Variants in DYNC2H1 observed in about 807,000 individuals in gnomAD.
The protein encoded by DYNC2H1 is dynein cytoplasmic 2 heavy chain 1.
Under a neutral mutation model 570.0 loss-of-function variants are expected in DYNC2H1, and 410 were observed. The observed-to-expected ratio is 0.72, with a 90% confidence interval of 0.66 to 0.78. The LOEUF (loss-of-function observed/expected upper bound fraction) is 0.78. Ranked by LOEUF, DYNC2H1 falls within the 30% of genes least tolerant of loss-of-function variation. The pLI is 0.00. For missense variants in DYNC2H1, 4,865 were observed against 5,046.4 expected (o/e 0.96, Z 1.09); for synonymous variants, 1,688 against 1,677.6 (o/e 1.01, Z -0.15).
rs1025589130 is a variant in DYNC2H1 at position 103,423,830 on chromosome 11, T to G, written c.12367-12113T>G. On this transcript the variant is annotated intron_variant, in intron 84 of 88. Transcript: ENST00000375735. ...AAGCACATAAAAATGTAGGTGTCAT[T>G]AGGAATATCAGAACTGCAATGAGAA... 2.0e-5 allele frequency among the ~76,000 whole-genome samples: 3 copies of G among 152,178 alleles called. No individual in the cohort carries two copies. The South Asian group carries it at 6.2e-4, about 32-fold the overall frequency.
intron 75 of DYNC2H1, among the ~76,000 whole-genome samples, chr11:103,293,792 A>G (rs910459788): frequency 6.6e-5 from 10 of 152,054 alleles, no homozygotes; most frequent in African/African-American, 2.2e-4. Context: ...TTTCTCTGAT[A>G]TAGGCCAGGC....
chr11:103,443,734 G>T (rs534092486), intron 85 of DYNC2H1, among the ~76,000 whole-genome samples: 41 of 151,750 alleles, frequency 2.7e-4, no homozygotes, highest in African/African-American at 9.9e-4. Context: ...GATGTCTGCA[G>T]TTCTGAAATT....
intron 1 of DYNC2H1, among the ~76,000 whole-genome samples, chr11:103,112,390 G>C (rs749584907): frequency 1.5e-4 from 23 of 152,290 alleles, no homozygotes; most frequent in Non-Finnish European, 3.2e-4. Flanking sequence ...CTGTGATCTG[G>C]TTTATGCTTT....
chr11:103,239,006 A>G lies in DYNC2H1; in HGVS notation c.9819+2467A>G, dbSNP rs1864326679. Among the ~76,000 whole-genome samples the G allele has an allele frequency of 6.6e-6, 1 of 152,192 alleles. No homozygotes were observed. Among genetic ancestry groups the G allele is most frequent in the Non-Finnish European group, 1.5e-5 (1 of 68,040 alleles). ...TGGGTGATAAATTATATGATCTAAT[A>G]TTGGTCAACTCAGTGGATAATGGAA... On this transcript the variant is annotated intron_variant, in intron 63 of 88. Transcript: ENST00000375735. This position sits in a 1 kb window ranked among gnomAD's most constrained non-coding sequence, Gnocchi z 4.3.
At chr11:103,342,568 T>A (rs1400602683) in intron 82 of DYNC2H1, among the ~76,000 whole-genome samples, 1 of 151,232 alleles carries the variant, frequency 6.6e-6, no homozygotes, top group Non-Finnish European at 1.5e-5. Context: ...AGTGGCGTGA[T>A]CTCGGCTCAC....
rs868367852 is a variant in DYNC2H1 at position 103,399,128 on chromosome 11, T to C, written c.12157-535T>C. ...CCCTTTCACTGTTCTTAATTCTCAT[T>C]TCCCACACCGTTTTTTTTTTGTTTT... On this transcript the variant is annotated intron_variant, in intron 83 of 88. Coordinates refer to ENST00000375735, the MANE Select transcript of DYNC2H1 (RefSeq NM_001377.3). Among the ~76,000 whole-genome samples, 11 of 148,592 alleles carry C rather than the reference T, an allele frequency of 7.4e-5. No individual in the cohort carries two copies. In the South Asian group the frequency reaches 2.3e-3, roughly 32 times the overall value.
chr11:103,213,696 T>A (rs1165062365), intron 54 of DYNC2H1, among the ~76,000 whole-genome samples: 1 of 152,150 alleles, frequency 6.6e-6, no homozygotes, highest in Non-Finnish European at 1.5e-5. Context: ...GTTGTTCAGT[T>A]GTTTGAATTT....
rs370399278 is a variant in DYNC2H1 at position 103,321,281 on chromosome 11, G to C, written c.11934+44G>C. On this transcript the variant is annotated intron_variant, in intron 81 of 88. Coordinates refer to ENST00000375735, the MANE Select transcript of DYNC2H1 (RefSeq NM_001377.3). The stretch of plus-strand genomic sequence containing the variant: ...TTTCAATCTATTTCCAGGTAGATAC[G>C]TGAATCATTTCTTACATTGTTAAAT... 91 of 1,491,682 alleles carry C rather than the reference G, an allele frequency of 6.1e-5. 2 individuals are homozygous for C. The South Asian group carries it at 1.0e-3, about 17-fold the overall frequency. The allele number at this position is 1,491,682 out of a possible 1,614,324, so 92.4% of individuals were successfully genotyped here. A position where few individuals can be genotyped will look rare whatever the true frequency, so the allele number is the denominator to read the frequency against.
intron 84 of DYNC2H1, among the ~76,000 whole-genome samples, chr11:103,408,711 G>A (rs1456257947): frequency 1.3e-5 from 2 of 151,952 alleles, no homozygotes; most frequent in Non-Finnish European, 2.9e-5. Flanking sequence ...TTGTCTATAT[G>A]GACTCTAGAA....
At chr11:103,342,508 C>T (rs1308286426) in intron 82 of DYNC2H1, among the ~76,000 whole-genome samples, 2 of 144,572 alleles carry the variant, frequency 1.4e-5, no homozygotes, top group Non-Finnish European at 3.0e-5. Flanking sequence ...TCTGTGCCAC[C>T]TTTTTTTTTT....
intron 82 of DYNC2H1, among the ~76,000 whole-genome samples, chr11:103,347,307 A>G (rs1459849117): frequency 6.8e-6 from 1 of 147,798 alleles, no homozygotes; most frequent in African/African-American, 2.5e-5. Context: ...CCTGATTTAA[A>G]TAATTCAATT....
At position 103,256,292 on chromosome 11, in the gene DYNC2H1, G is replaced by A. The variant is rs1281182895; in HGVS notation, c.10461+52G>A. The A allele has an allele frequency of 1.3e-6, 2 of 1,506,270 alleles. No individual in the cohort carries two copies. The highest frequency in any genetic ancestry group is 1.4e-5 in the African/African-American group (1 of 71,060). 93.3% of individuals were successfully genotyped at this position (1,506,270 alleles called of 1,614,324 possible). ...GTATTATGTTTTCTTGAACATTTAG[G>A]TTAATATGATAGAAAATGTAGAATC... On this transcript the variant is annotated intron_variant, in intron 68 of 88. Coordinates refer to ENST00000375735, the MANE Select transcript of DYNC2H1 (RefSeq NM_001377.3). The surrounding 1 kb of genome is among the most constrained non-coding windows in gnomAD (Gnocchi z 4.0).
Position 103,220,724 on chromosome 11 carries a change from T to G in DYNC2H1, c.9048T>G (p.Ile3016Met). ...LRMPPDVIRD[I>M]LEGVLRLMGI... is the part of the protein sequence containing the mutation. Reference sequence around the variant, plus strand: ...TGCCACCTGATGTAATTAGAGATATTCTTGAAGGAGTTTTAAGGTTGATGG... The same window carrying G: ...TGCCACCTGATGTAATTAGAGATATGCTTGAAGGAGTTTTAAGGTTGATGG... Residue 3016 changes from isoleucine (I) to methionine (M), a missense_variant, in exon 57 of 89, where the codon ATT becomes ATG. By Grantham distance (10) the Ile-to-Met change is conservative. Around this residue, in one of 5 missense-constraint regions of DYNC2H1, gnomAD observed 2,401 missense variants for 2,454.6 expected, o/e 0.98. Coordinates refer to ENST00000375735, the MANE Select transcript of DYNC2H1 (RefSeq NM_001377.3). The G allele has an allele frequency of 6.2e-7, 1 of 1,613,088 alleles. No individual in the cohort carries two copies. The highest frequency in any genetic ancestry group is 8.5e-7 in the Non-Finnish European group (1 of 1,179,322).
In DYNC2H1 at chr11:103,166,118, A is replaced by G. The variant is rs1861294754; in HGVS notation, c.4762+70A>G. The G allele has an allele frequency of 6.0e-6, 8 of 1,340,222 alleles. No homozygotes were observed. The South Asian group carries it at 7.0e-5, about 12-fold the overall frequency. The allele number at this position is 1,340,222 out of a possible 1,614,324, so 83.0% of individuals were successfully genotyped here. A position where few individuals can be genotyped will look rare whatever the true frequency, so the allele number is the denominator to read the frequency against. On this transcript the variant is annotated intron_variant, in intron 31 of 88. Transcript: ENST00000375735. ...TTTGGTATTCTATCCTAATTTACCT[A>G]TTGTGTTTTTGACTGTATATCTGTG... is the stretch of plus-strand genomic sequence containing the variant.
rs1176002895 is a variant in DYNC2H1, at chr11:103,261,421, G to GT, written c.10695+1445dup. On this transcript the variant is annotated intron_variant, in intron 70 of 88. Coordinates refer to ENST00000375735, the MANE Select transcript of DYNC2H1 (RefSeq NM_001377.3). This position sits in a 1 kb window ranked among gnomAD's most constrained non-coding sequence, Gnocchi z 4.8. ...GACTGGGAGACACCTCCCAGAAGGG[G>GT]TCGACAGACATCTCATATAGGAGCA... is the stretch of plus-strand genomic sequence containing the variant. 3.3e-5 allele frequency among the ~76,000 whole-genome samples: 5 copies of GT among 152,222 alleles called. No individual in the cohort carries two copies. In the East Asian group the frequency reaches 9.6e-4, roughly 29 times the overall value.
intron 85 of DYNC2H1, among the ~76,000 whole-genome samples, chr11:103,441,941 CATCTT>C (rs760808875): frequency 1.1e-4 from 17 of 152,068 alleles, no homozygotes; most frequent in Non-Finnish European, 2.4e-4. Flanking sequence ...TTTCCTAACT[CATCTT>C]AGTAACTTTC....
intron 75 of DYNC2H1, 189 bp downstream of exon 75, chr11:103,287,794 T>C (rs1866408327): frequency 1.8e-6 from 1 of 543,860 alleles, no homozygotes; most frequent in Admixed American, 3.6e-5. Flanking sequence ...GCTCATTCTG[T>C]AACTGCCCAA....
At chr11:103,396,741 T>A (rs1279082291) in intron 83 of DYNC2H1, among the ~76,000 whole-genome samples, 2 of 152,184 alleles carry the variant, frequency 1.3e-5, no homozygotes, top group Admixed American at 6.5e-5. Flanking sequence ...AATAGTTAAG[T>A]TTTAAATATT....
At chr11:103,356,137 C>A (rs7941781) in intron 82 of DYNC2H1, among the ~76,000 whole-genome samples, 157 of 152,012 alleles carry the variant, frequency 1.0e-3, no homozygotes, top group African/African-American at 3.6e-3. Flanking sequence ...CCTTTTGATA[C>A]CATTTTAAAG....
Sources: gnomAD v4.1 joint callset for allele counts (sites outside exome capture counted in the v4.1 genomes callset) on GRCh38, gnomAD v4.1.1 for gene constraint, gnomAD v4.1.1 regional missense constraint, Gnocchi (gnomAD v3.1) non-coding constraint, MANE v1.5 for transcripts, NCBI Gene and HGNC (gene_info 2026-07-23, HGNC 2026-07-21) for gene names.